The following NIPBL variants were observed in gnomAD, a reference collection of about 807,000 sequenced individuals.
NIPBL encodes the protein nipped-B-like protein.
A neutral mutation model predicts 321.8 loss-of-function variants in NIPBL; 19 were observed. The ratio of observed to expected loss-of-function variants is 0.06; its 90% confidence interval spans 0.04 to 0.09. The LOEUF (loss-of-function observed/expected upper bound fraction) is 0.09, where lower values mean the gene tolerates loss of function less well. Among genes scored for constraint, NIPBL ranks in the 10% least tolerant of loss-of-function variants. NIPBL has a pLI of 1.00. For synonymous variants in NIPBL, 1,106 were observed against 1,114.1 expected, an observed-to-expected ratio of 0.99 and a Z score of 0.14; for missense variants, 2,210 against 3,327.0, an observed-to-expected ratio of 0.66 and a Z score of 8.26.
Position 37,003,314 on chromosome 5 carries a change from G to A in NIPBL, c.3822G>A (p.Gln1274=). The A allele has an allele frequency of 3.1e-6, 5 of 1,607,314 alleles. No homozygotes were observed. Among genetic ancestry groups the A allele is most frequent in the Non-Finnish European group, 4.3e-6 (5 of 1,174,316 alleles). ...KVLNILEKNI[Q]DGSKLSTLLN... is the part of the protein sequence containing the mutation. ...TAAATATCTTGGAGAAGAATATTCAGGATGGGTCAAAGCTTTCCACTTTGT... is the reference window on the plus strand; with the variant it reads ...TAAATATCTTGGAGAAGAATATTCAAGATGGGTCAAAGCTTTCCACTTTGT... Residue 1274 remains glutamine (Q), a synonymous_variant, in exon 16 of 47, where the codon CAG becomes CAA. Transcript: ENST00000282516.
chr5:37,030,876 T>C (rs1354272278), intron 32 of NIPBL, among the ~76,000 whole-genome samples: 2 of 144,172 alleles, frequency 1.4e-5, no homozygotes, highest in Non-Finnish European at 3.0e-5. Flanking sequence ...TTCCTCAGCC[T>C]CCCAAGTAGC....
chr5:36,998,691 G>A (rs933799420), intron 11 of NIPBL, among the ~76,000 whole-genome samples: 4 of 152,020 alleles, frequency 2.6e-5, no homozygotes, highest in African/African-American at 4.8e-5. Flanking sequence ...TTGCTTATTA[G>A]TTGTCATCCC....
intron 21 of NIPBL, among the ~76,000 whole-genome samples, chr5:37,014,444 C>T (rs1484385729): frequency 1.3e-5 from 2 of 151,916 alleles, no homozygotes; most frequent in African/African-American, 4.8e-5. Context: ...AATTTGTTAA[C>T]CACATATGTT....
chr5:36,980,603 T>C (rs898893057), intron 9 of NIPBL, among the ~76,000 whole-genome samples: 1 of 151,680 alleles, frequency 6.6e-6, no homozygotes, highest in Non-Finnish European at 1.5e-5. Flanking sequence ...TATAGTAACA[T>C]GCTGTACAGG....
chr5:36,915,473 C>T (rs1322498802), intron 1 of NIPBL, among the ~76,000 whole-genome samples: 1 of 152,076 alleles, frequency 6.6e-6, no homozygotes, highest in African/African-American at 2.4e-5. Flanking sequence ...AAAGCTCTTA[C>T]TAGATGAAGT....
chr5:36,885,205 C>T, intron 1 of NIPBL: 1 of 533,642 alleles, frequency 1.9e-6, no homozygotes, highest in Non-Finnish European at 3.8e-6. Context: ...CCCTGGACAG[C>T]ATGAGCTTCA....
intron 1 of NIPBL, among the ~76,000 whole-genome samples, chr5:36,893,890 G>C (rs1324704796): frequency 6.6e-6 from 1 of 152,146 alleles, no homozygotes; most frequent in African/African-American, 2.4e-5. Flanking sequence ...TAGTGTAAAT[G>C]AATTTGGTAG....
At chr5:36,990,424 T>G (rs1745367749) in intron 10 of NIPBL, among the ~76,000 whole-genome samples, 1 of 99,210 alleles carries the variant, frequency 1.0e-5, no homozygotes, top group Non-Finnish European at 1.8e-5. Flanking sequence ...CACAGTTTAT[T>G]AATTCCTAAA....
intron 1 of NIPBL, among the ~76,000 whole-genome samples, chr5:36,945,095 G>C (rs1411034334): frequency 6.6e-6 from 1 of 152,046 alleles, no homozygotes; most frequent in Non-Finnish European, 1.5e-5. Context: ...ATTTTGTTTT[G>C]GTGTGTTGGG....
chr5:37,056,867 C>A (rs969887143), intron 42 of NIPBL, among the ~76,000 whole-genome samples: 1 of 152,102 alleles, frequency 6.6e-6, no homozygotes, highest in Non-Finnish European at 1.5e-5. Flanking sequence ...CACCTCTTCT[C>A]TTGAGATAGC....
chr5:36,903,304 G>A (rs1461461189), intron 1 of NIPBL, among the ~76,000 whole-genome samples: 4 of 152,138 alleles, frequency 2.6e-5, no homozygotes, highest in African/African-American at 9.7e-5. Context: ...CTAGTACTAT[G>A]TTGAGTAGGA....
chr5:37,027,326 A>G (rs757530876), intron 31 of NIPBL, 33 bp from the exon 32 acceptor site: 17 of 1,502,992 alleles, frequency 1.1e-5, no homozygotes, highest in Non-Finnish European at 1.5e-5. Context: ...TTATAAATAT[A>G]CTTCTAACTT....
chr5:37,016,917 A>G (rs1180124021), intron 23 of NIPBL, 102 bp from the exon 24 acceptor site: 1 of 921,992 alleles, frequency 1.1e-6, no homozygotes, highest in Non-Finnish European at 1.6e-6. Flanking sequence ...AAAAAGTTTA[A>G]ATTTTAAATT....
chr5:37,015,187 G>A (rs534540270), intron 22 of NIPBL, among the ~76,000 whole-genome samples: 1 of 151,534 alleles, frequency 6.6e-6, no homozygotes, highest in African/African-American at 2.4e-5. Flanking sequence ...GCAATGGCAC[G>A]ATCTCAGCTA....
chr5:36,919,320 T>C (rs1448893493), intron 1 of NIPBL, among the ~76,000 whole-genome samples: 1 of 152,090 alleles, frequency 6.6e-6, no homozygotes, highest in African/African-American at 2.4e-5. Flanking sequence ...TTGACATTTT[T>C]ATGCTGATAT....
intron 9 of NIPBL, 75 bp downstream of exon 9, chr5:36,976,477 T>C: frequency 6.8e-7 from 1 of 1,474,692 alleles, no homozygotes; most frequent in Non-Finnish European, 9.3e-7. Flanking sequence ...TTTTTTCACA[T>C]TACTTTTTTC....
chr5:37,057,090 G>A (rs967818074), intron 42 of NIPBL, 96 bp from the exon 43 acceptor site: 2 of 1,164,014 alleles, frequency 1.7e-6, no homozygotes, highest in Middle Eastern at 2.4e-4. Context: ...AACATTAAGT[G>A]AGGTGAAAGT....
At chr5:37,054,455 G>C (rs1385198329) in intron 42 of NIPBL, among the ~76,000 whole-genome samples, 1 of 152,196 alleles carries the variant, frequency 6.6e-6, no homozygotes, top group African/African-American at 2.4e-5. Context: ...TTTCCCTCCA[G>C]CTGTGGGGAT....
intron 1 of NIPBL, among the ~76,000 whole-genome samples, chr5:36,916,872 T>G (rs1561382708): frequency 6.6e-6 from 1 of 152,232 alleles, no homozygotes; most frequent in African/African-American, 2.4e-5. Context: ...GGTGTATATG[T>G]GCCACATTTT....
Sources: gnomAD v4.1 joint callset for allele counts (sites outside exome capture counted in the v4.1 genomes callset) on GRCh38, gnomAD v4.1.1 for gene constraint, MANE v1.5 for transcripts, NCBI Gene and HGNC (gene_info 2026-07-23, HGNC 2026-07-21) for gene names.